COLEC10: variants seen among roughly 807,000 people sequenced by gnomAD.
COLEC10 encodes the protein collectin subfamily member 10.
COLEC10 carries 22 observed loss-of-function variants against 28.4 expected under a neutral mutation model. The ratio of observed to expected loss-of-function variants is 0.78; its 90% CI spans 0.55 to 1.11. COLEC10 has a LOEUF of 1.11. Ranked by LOEUF, COLEC10 falls within the 50% of genes least tolerant of loss-of-function variation. The pLI is 0.00. For missense variants in COLEC10, 361 were observed against 344.1 expected (o/e 1.05, Z -0.39); for synonymous variants, 125 against 116.1 (o/e 1.08, Z -0.49).
intron 3 of COLEC10, among the ~76,000 whole-genome samples, chr8:119,094,591 T>A (rs1815673828): frequency 6.6e-6 from 1 of 152,188 alleles, no homozygotes; most frequent in African/African-American, 2.4e-5. Context: ...AGGCAAGTGA[T>A]GAATTCTGTA....
chr8:119,044,301 A>ATTTT (rs1177687372), intron 2 of COLEC10, among the ~76,000 whole-genome samples: 2 of 152,244 alleles, frequency 1.3e-5, no homozygotes, highest in Non-Finnish European at 2.9e-5. Flanking sequence ...TCCTATAAGA[A>ATTTT]AATATACAAA....
the COLEC10 span, among the ~76,000 whole-genome samples, chr8:118,972,178 G>A: frequency 6.6e-6 from 1 of 151,736 alleles, no homozygotes; most frequent in Admixed American, 6.6e-5. Flanking sequence ...AGTTATGTTG[G>A]GCTTGTAACC....
In COLEC10 at chr8:119,043,760, C is replaced by T. The variant is rs1335084726; in HGVS notation, n.235+34207C>T. 2.6e-5 allele frequency among the ~76,000 whole-genome samples: 4 copies of T among 152,084 alleles called. No homozygotes were observed. In the East Asian group the frequency reaches 5.8e-4, roughly 22 times the overall value. ...TGCAGATTCATGTATATGGACAGCA[C>T]GGAATTCCAAGGCCGTGATGGAAGA... On this transcript the variant is annotated intron_variant and non_coding_transcript_variant, in intron 2 of 6. Coordinates refer to the COLEC10 transcript ENST00000521788.
At chr8:118,972,240 C>T in the COLEC10 span, among the ~76,000 whole-genome samples, 4 of 152,018 alleles carry the variant, frequency 2.6e-5, no homozygotes, top group African/African-American at 7.2e-5. Context: ...TTCCACCAGC[C>T]CAGGTCTCTA....
chr8:119,018,544 C>G (rs1238830223), intron 2 of COLEC10, among the ~76,000 whole-genome samples: 2 of 152,160 alleles, frequency 1.3e-5, no homozygotes, highest in Non-Finnish European at 2.9e-5. Flanking sequence ...AAACTGATGC[C>G]TGCTTTGACT....
chr8:118,991,148 C>G (rs1813500227), upstream of COLEC10, among the ~76,000 whole-genome samples: 1 of 151,946 alleles, frequency 6.6e-6, no homozygotes, highest in Admixed American at 6.6e-5. Context: ...TTTAATATTT[C>G]TGGAATTTCA....
At chr8:119,030,776 C>T (rs910154854) in intron 2 of COLEC10, among the ~76,000 whole-genome samples, 1 of 152,156 alleles carries the variant, frequency 6.6e-6, no homozygotes, top group Non-Finnish European at 1.5e-5. Context: ...TTCCATAAAA[C>T]GATGATCATG....
intron 1 of COLEC10, among the ~76,000 whole-genome samples, chr8:119,077,483 C>T (rs1815270561): frequency 1.3e-5 from 2 of 152,092 alleles, no homozygotes; most frequent in Admixed American, 1.3e-4. Context: ...AAGATAATCT[C>T]CTAAAATGGG....
At chr8:119,055,817 A>C (rs757971269) in intron 2 of COLEC10, among the ~76,000 whole-genome samples, 10 of 152,026 alleles carry the variant, frequency 6.6e-5, no homozygotes, top group African/African-American at 9.7e-5. Flanking sequence ...CACTTTACCA[A>C]ATCCTATTCA....
upstream of COLEC10, among the ~76,000 whole-genome samples, chr8:118,993,653 C>A (rs2130043253): frequency 6.6e-6 from 1 of 152,292 alleles, no homozygotes. Flanking sequence ...CCACACCCAG[C>A]CATGGTCTTT....
chr8:119,105,958 A>G lies in COLEC10; in HGVS notation c.601A>G (p.Lys201Glu). Residue 201 changes from lysine to glutamate, a missense_variant, in exon 6 of 6, where the codon AAG (lysine) becomes GAG (glutamate). Lys to Glu is a moderately conservative substitution (Grantham distance 56, BLOSUM62 1). Coordinates refer to ENST00000332843, the MANE Select transcript of COLEC10 (RefSeq NM_006438.5). ...ANTLIADYVAKSGFFRVFIGV... is the reference protein window; with the variant it reads ...ANTLIADYVAESGFFRVFIGV... ...CACACTCATCGCTGACTATGTTGCC[A>G]AGAGTGGCTTCTTTCGGGTGTTCAT... The G allele has an allele frequency of 1.2e-6, 2 of 1,613,866 alleles. No homozygotes were observed. The highest frequency in any genetic ancestry group is 1.7e-6 in the Non-Finnish European group (2 of 1,179,888).
upstream of COLEC10, among the ~76,000 whole-genome samples, chr8:119,063,442 T>C (rs936020271): frequency 3.9e-5 from 6 of 152,230 alleles, no homozygotes; most frequent in Non-Finnish European, 7.3e-5. Context: ...TGACAGTTTA[T>C]GGTGGCTGCA....
intron 2 of COLEC10, among the ~76,000 whole-genome samples, chr8:119,029,119 C>T (rs2130123868): frequency 6.6e-6 from 1 of 152,220 alleles, no homozygotes; most frequent in East Asian, 1.9e-4. Context: ...GGAGTCATGC[C>T]ACAGTGGTTC....
At chr8:119,088,461 G>A (rs1003881563) in intron 1 of COLEC10, among the ~76,000 whole-genome samples, 6 of 151,974 alleles carry the variant, frequency 3.9e-5, no homozygotes, top group African/African-American at 1.5e-4. Context: ...TCAACATTCT[G>A]CACTCAGAAA....
chr8:119,101,735 A>G (rs1354740092), intron 3 of COLEC10, among the ~76,000 whole-genome samples: 1 of 152,186 alleles, frequency 6.6e-6, no homozygotes, highest in African/African-American at 2.4e-5. Context: ...TTTGGTTTTC[A>G]TAGAGTAAGC....
At chr8:118,993,964 T>C (rs1052048525), upstream of COLEC10, among the ~76,000 whole-genome samples, 2 of 152,314 alleles carry the variant, frequency 1.3e-5, no homozygotes, top group Admixed American at 6.5e-5. Flanking sequence ...GCATTTTTAA[T>C]GTGTCTAATA....
the COLEC10 span, among the ~76,000 whole-genome samples, chr8:118,986,017 C>T: frequency 3.3e-5 from 5 of 152,086 alleles, no homozygotes; most frequent in Non-Finnish European, 7.4e-5. Context: ...AAATGCAGCA[C>T]TTATAGAAAG....
At chr8:119,085,154 TCTC>T (rs1815447483) in intron 1 of COLEC10, among the ~76,000 whole-genome samples, 3 of 152,196 alleles carry the variant, frequency 2.0e-5, no homozygotes, top group African/African-American at 7.2e-5. Flanking sequence ...GGCAGTGCAC[TCTC>T]TTTGCCTTAG....
chr8:119,021,865 C>T (rs950132897), intron 2 of COLEC10, among the ~76,000 whole-genome samples: 2 of 152,086 alleles, frequency 1.3e-5, no homozygotes, highest in Middle Eastern at 3.2e-3. Context: ...CTCCTCTGTA[C>T]AATGCAGCCA....
Sources: gnomAD v4.1 joint callset for allele counts (sites outside exome capture counted in the v4.1 genomes callset) on GRCh38, gnomAD v4.1.1 for gene constraint, MANE v1.5 for transcripts, NCBI Gene and HGNC (gene_info 2026-07-23, HGNC 2026-07-21) for gene names.